ZNF33B: variants seen among roughly 807,000 people sequenced by gnomAD.
The protein encoded by ZNF33B is zinc finger protein 11b (KOX 2).
ZNF33B carries 29 observed loss-of-function variants against 45.8 expected under a neutral mutation model. The ratio of observed to expected loss-of-function variants is 0.63; its 90% CI spans 0.47 to 0.86. The LOEUF is 0.86. ZNF33B is among the 40% of genes least tolerant of loss of function. The probability of loss-of-function intolerance (pLI) is 0.00; values close to 1 mark genes in which losing one functional copy is unlikely to be tolerated. For synonymous variants in ZNF33B, 305 were observed against 307.8 expected (o/e 0.99, Z 0.10); for missense variants, 831 against 909.9 (o/e 0.91, Z 1.12).
Position 42,637,940 on chromosome 10 carries a change from C to A in ZNF33B, c.-45+534G>T, listed in dbSNP as rs531535273. On this transcript the variant is annotated intron_variant, in intron 1 of 4. Transcript: ENST00000359467. Reference sequence around the variant, plus strand: ...AGTGCAGGATTACAGGAGAGAGCCACCGCGCTAGGCCAAAATTATGTAATT... The same window carrying A: ...AGTGCAGGATTACAGGAGAGAGCCAACGCGCTAGGCCAAAATTATGTAATT... 3.9e-5 allele frequency among the ~76,000 whole-genome samples: 6 copies of A among 152,310 alleles called. No individual in the cohort carries two copies. In the South Asian group the frequency reaches 1.2e-3, roughly 32 times the overall value.
intron 4 of ZNF33B, among the ~76,000 whole-genome samples, chr10:42,596,112 T>C (rs1837389910): frequency 6.6e-6 from 1 of 151,712 alleles, no homozygotes; most frequent in Admixed American, 6.6e-5. Flanking sequence ...ATATATGTTA[T>C]TGCAGTCCTT....
At chr10:42,607,910 A>G (rs1837934028) in intron 4 of ZNF33B, among the ~76,000 whole-genome samples, 1 of 152,202 alleles carries the variant, frequency 6.6e-6, no homozygotes, top group Admixed American at 6.5e-5. Context: ...AATCCAATCA[A>G]AAAGCAACAA....
intron 4 of ZNF33B, among the ~76,000 whole-genome samples, chr10:42,630,560 T>C (rs1839004894): frequency 1.3e-5 from 2 of 152,218 alleles, no homozygotes; most frequent in Admixed American, 6.5e-5. Context: ...CACTTCCTTC[T>C]GATGTTACAA....
chr10:42,585,027 C>T (rs990685993), downstream of ZNF33B, among the ~76,000 whole-genome samples: 8 of 152,174 alleles, frequency 5.3e-5, no homozygotes, highest in African/African-American at 7.2e-5. Context: ...CTCCTCCTCA[C>T]GATGAAGTAG....
At chr10:42,586,460 A>G (rs1237226096), downstream of ZNF33B, among the ~76,000 whole-genome samples, 1 of 142,634 alleles carries the variant, frequency 7.0e-6, no homozygotes, top group East Asian at 2.1e-4. Context: ...TTTGTTTTTC[A>G]AAGAGACGAA....
chr10:42,588,051 A>T (rs1351562264), downstream of ZNF33B, among the ~76,000 whole-genome samples: 1 of 151,410 alleles, frequency 6.6e-6, no homozygotes, highest in African/African-American at 2.4e-5. Context: ...GCAATAACAA[A>T]CAATAGTCTA....
chr10:42,623,488 A>G (rs111425876), intron 4 of ZNF33B, among the ~76,000 whole-genome samples: 1,864 of 152,328 alleles, frequency 0.012, 50 homozygotes, highest in African/African-American at 0.042. Flanking sequence ...AGATGAATGG[A>G]TTAAACAGCC....
In ZNF33B at chr10:42,594,578, T is replaced by C. The variant is rs774431579; in HGVS notation, c.372A>G (p.Ile124Met). The C allele has an allele frequency of 6.2e-7, 1 of 1,613,394 alleles. No homozygotes were observed. Reference sequence around the variant, plus strand: ...AAGAACTTACGTCCATGTTAAATGGTATTCCTATTACATTACCTTGTTCCT... The same window carrying C: ...AAGAACTTACGTCCATGTTAAATGGCATTCCTATTACATTACCTTGTTCCT... ...LTKEQGNVIGIPFNMDVSSFP... is the reference protein window; with the variant it reads ...LTKEQGNVIGMPFNMDVSSFP... Residue 124 changes from isoleucine to methionine, a missense_variant, in exon 5 of 5, where the codon ATA becomes ATG. By Grantham distance (10) the Ile-to-Met change is conservative. Coordinates refer to ENST00000359467, the MANE Select transcript of ZNF33B (RefSeq NM_006955.3).
chr10:42,596,810 T>C (rs1280285118), intron 4 of ZNF33B, among the ~76,000 whole-genome samples: 1 of 152,098 alleles, frequency 6.6e-6, no homozygotes, highest in African/African-American at 2.4e-5. Flanking sequence ...ATAATTCTAG[T>C]CATTCTTTTT....
At chr10:42,637,126 G>C (rs1490419960) in intron 1 of ZNF33B, among the ~76,000 whole-genome samples, 154 bp from the exon 2 acceptor site, 5 of 152,204 alleles carry the variant, frequency 3.3e-5, no homozygotes, top group Admixed American at 6.5e-5. Flanking sequence ...ATAGGGGGTA[G>C]AAATGGTGAA....
intron 4 of ZNF33B, among the ~76,000 whole-genome samples, chr10:42,614,983 A>G (rs1589050876): frequency 6.6e-6 from 1 of 152,148 alleles, no homozygotes; most frequent in African/African-American, 2.4e-5. Flanking sequence ...ATTCAACATC[A>G]TTAGCCATTA....
chr10:42,581,178 A>G (rs1424087561), intron 1 of ZNF33B, among the ~76,000 whole-genome samples: 1 of 152,118 alleles, frequency 6.6e-6, no homozygotes, highest in African/African-American at 2.4e-5. Context: ...GTGCTACATC[A>G]AATCCAAGAA....
downstream of ZNF33B, among the ~76,000 whole-genome samples, chr10:42,585,669 C>G (rs1480058523): frequency 6.6e-6 from 1 of 152,220 alleles, no homozygotes; most frequent in African/African-American, 2.4e-5. Flanking sequence ...TGCAAAACAG[C>G]AACTCCATGA....
At chr10:42,620,337 G>A (rs1464263009) in intron 4 of ZNF33B, among the ~76,000 whole-genome samples, 1 of 152,026 alleles carries the variant, frequency 6.6e-6, no homozygotes, top group Non-Finnish European at 1.5e-5. Context: ...CCTTGTTGGT[G>A]ATTACTTTAA....
chr10:42,601,574 G>A (rs1282131902), intron 4 of ZNF33B, among the ~76,000 whole-genome samples: 2 of 148,916 alleles, frequency 1.3e-5, no homozygotes, highest in Non-Finnish European at 3.0e-5. Flanking sequence ...CCCATGTTCA[G>A]GTGATTCTCC....
intron 4 of ZNF33B, among the ~76,000 whole-genome samples, chr10:42,620,218 A>G (rs1277744420): frequency 3.2e-5 from 3 of 95,086 alleles, no homozygotes; most frequent in South Asian, 2.7e-4. Context: ...TTTGGTCTTG[A>G]AAAAAAAAAA....
chr10:42,629,927 T>G (rs963818000), intron 4 of ZNF33B, among the ~76,000 whole-genome samples: 1 of 152,216 alleles, frequency 6.6e-6, no homozygotes, highest in African/African-American at 2.4e-5. Context: ...ATGTACCAAG[T>G]TTCATTCCAC....
At chr10:42,604,535 A>G (rs1236125496) in intron 4 of ZNF33B, among the ~76,000 whole-genome samples, 1 of 152,240 alleles carries the variant, frequency 6.6e-6, no homozygotes, top group African/African-American at 2.4e-5. Context: ...ACAGAAAAAT[A>G]TTAGTAAGAA....
intron 1 of ZNF33B, among the ~76,000 whole-genome samples, chr10:42,638,251 T>TACAA (rs1444998972): frequency 6.6e-6 from 1 of 152,204 alleles, no homozygotes; most frequent in East Asian, 1.9e-4. Context: ...CCGCGGCCCC[T>TACAA]ACAAACAGGG....
Sources: allele counts gnomAD v4.1 joint callset (sites outside exome capture counted in the v4.1 genomes callset), GRCh38; gene constraint gnomAD v4.1.1; transcripts MANE v1.5; gene names NCBI Gene and HGNC (gene_info 2026-07-23, HGNC 2026-07-21).